The following CUEDC1 variants were observed in gnomAD, a reference collection of about 807,000 sequenced individuals.
CUEDC1 encodes the protein CUE domain-containing protein 1.
In CUEDC1, 30 loss-of-function variants were observed where a neutral mutation model predicts 43.7. The ratio of observed to expected loss-of-function variants is 0.69; its 90% CI spans 0.51 to 0.93. CUEDC1 has a LOEUF of 0.93. CUEDC1 is among the 40% of genes least tolerant of loss of function. CUEDC1 has a pLI of 0.00. For missense variants in CUEDC1, 486 were observed against 549.0 expected (o/e 0.89, Z 1.15); for synonymous variants, 223 against 223.6 (o/e 1.00, Z 0.02).
At chr17:57,864,014 A>G (rs2586045) in intron 10 of CUEDC1, among the ~76,000 whole-genome samples, 7,390 of 151,182 alleles carry the variant, frequency 0.049, 237 homozygotes, top group Middle Eastern at 0.11. Flanking sequence ...AAAAAAAAAA[A>G]AAAGAAAGAA....
chr17:57,948,032 CT>C lies in CUEDC1; in HGVS notation c.-316+7192del, dbSNP rs566175535. ...AGGCAGTATTATGAAAAAAAGCCTA[CT>C]GTCAGCTTAAGCAAAACAGAATAAG... On this transcript the variant is annotated intron_variant, in intron 1 of 10. Coordinates refer to ENST00000577830, the MANE Select transcript of CUEDC1 (RefSeq NM_001271875.2). Among the ~76,000 whole-genome samples, 67 of 152,268 alleles carry C rather than the reference CT, an allele frequency of 4.4e-4. 1 individual carries two copies. Among genetic ancestry groups the C allele is most frequent in the African/African-American group, 1.6e-3 (66 of 41,558 alleles).
chr17:57,873,292 G>A (rs996269597), intron 4 of CUEDC1, among the ~76,000 whole-genome samples: 2 of 152,138 alleles, frequency 1.3e-5, no homozygotes, highest in African/African-American at 4.8e-5. Flanking sequence ...AGGAAGGGGG[G>A]TGCTCTGGCC....
intron 10 of CUEDC1, among the ~76,000 whole-genome samples, chr17:57,864,825 G>A (rs1030650505): frequency 2.0e-5 from 3 of 152,150 alleles, no homozygotes; most frequent in Admixed American, 6.5e-5. Flanking sequence ...AGGTCCAGGC[G>A]GGCAGGTCAC....
intron 1 of CUEDC1, among the ~76,000 whole-genome samples, chr17:57,913,155 G>A (rs528678711): frequency 1.3e-4 from 20 of 151,926 alleles, no homozygotes; most frequent in Non-Finnish European, 2.4e-4. Context: ...GTAAAACCCC[G>A]CCTCTACTAA....
At chr17:57,898,165 T>A (rs1454370354) in intron 1 of CUEDC1, among the ~76,000 whole-genome samples, 3 of 152,184 alleles carry the variant, frequency 2.0e-5, no homozygotes, top group Non-Finnish European at 2.9e-5. Context: ...CTGCACCCCA[T>A]GGTGCACCCT....
At chr17:57,911,824 C>T (rs968044620) in intron 1 of CUEDC1, among the ~76,000 whole-genome samples, 1 of 152,132 alleles carries the variant, frequency 6.6e-6, no homozygotes, top group African/African-American at 2.4e-5. Context: ...CTCTTAAGGG[C>T]AGACTGGGAC....
At chr17:57,935,390 CACACACACACACACAA>C (rs999276979) in intron 1 of CUEDC1, among the ~76,000 whole-genome samples, 8 of 144,344 alleles carry the variant, frequency 5.5e-5, no homozygotes, top group Admixed American at 2.7e-4. Context: ...CACACACACA[CACACACACACACACAA>C]ACACACACAC....
chr17:57,955,189 G>C lies in CUEDC1; in HGVS notation c.-316+36C>G, dbSNP rs1023788996. 6.9e-6 allele frequency: 1 copy of C among 145,474 alleles called. No individual in the cohort carries two copies. Among genetic ancestry groups the C allele is most frequent in the African/African-American group, 2.5e-5 (1 of 40,580 alleles). The allele number at this position is 145,474 out of a possible 1,614,324, so 9.0% of individuals were successfully genotyped here. A position where few individuals can be genotyped will look rare whatever the true frequency, so the allele number is the denominator to read the frequency against. On this transcript the variant is annotated intron_variant, in intron 1 of 10. Coordinates refer to ENST00000577830, the MANE Select transcript of CUEDC1 (RefSeq NM_001271875.2). The surrounding 1 kb of genome is among the most constrained non-coding windows in gnomAD (Gnocchi z 5.3). ...GGGCGCCGGCGAGGACCGCGCCCGG[G>C]GCCGGGCGGGAGCCGCGGGAGCGCG... is the stretch of plus-strand genomic sequence containing the variant.
chr17:57,950,651 T>C (rs891942584), intron 1 of CUEDC1, among the ~76,000 whole-genome samples: 1 of 152,058 alleles, frequency 6.6e-6, no homozygotes, highest in Non-Finnish European at 1.5e-5. Context: ...TTTTGTATTT[T>C]TAGTAGAGAC....
chr17:57,932,842 A>G (rs1463635986), intron 1 of CUEDC1, among the ~76,000 whole-genome samples: 1 of 152,026 alleles, frequency 6.6e-6, no homozygotes, highest in Non-Finnish European at 1.5e-5. Flanking sequence ...GGCCTGGGCA[A>G]CAAGAGCAAA....
chr17:57,918,789 A>G (rs1463007059), intron 1 of CUEDC1, among the ~76,000 whole-genome samples: 3 of 152,218 alleles, frequency 2.0e-5, no homozygotes, highest in African/African-American at 7.2e-5. Context: ...TAGATGGCAT[A>G]CAATAGGCCT....
intron 1 of CUEDC1, among the ~76,000 whole-genome samples, chr17:57,939,579 C>T (rs1004155718): frequency 6.6e-6 from 1 of 152,146 alleles, no homozygotes. Context: ...TTCGCCTGAC[C>T]TGAACAGCTT....
At chr17:57,949,329 C>T (rs1164498306) in intron 1 of CUEDC1, among the ~76,000 whole-genome samples, 1 of 152,176 alleles carries the variant, frequency 6.6e-6, no homozygotes, top group Admixed American at 6.5e-5. Context: ...ATCTTGAAGG[C>T]AGGGGCCATG....
Position 57,872,790 on chromosome 17 carries a change from C to T in CUEDC1, c.657G>A (p.Gly219=), listed in dbSNP as rs1362529981. The T allele has an allele frequency of 1.2e-6, 2 of 1,614,222 alleles. No homozygotes were observed. The highest frequency in any genetic ancestry group is 1.7e-5 in the Admixed American group (1 of 60,026). ...EGCPPAMAGP[G]PGDQESRWKQ... is the part of the protein sequence containing the mutation. ...TCCAGCGGCTCTCCTGGTCTCCGGG[C>T]CCTGGCCCAGCCATGGCAGGTGGAC... Residue 219 remains glycine, a synonymous_variant, in exon 5 of 11, where the codon GGG becomes GGA. Transcript: ENST00000577830.
chr17:57,942,625 G>A (rs989009735), intron 1 of CUEDC1, among the ~76,000 whole-genome samples: 2 of 151,968 alleles, frequency 1.3e-5, no homozygotes, highest in South Asian at 4.1e-4. Context: ...CTGACCTCAG[G>A]TGATCCACCC....
chr17:57,913,359 C>T (rs1348934160), intron 1 of CUEDC1, among the ~76,000 whole-genome samples: 1 of 151,842 alleles, frequency 6.6e-6, no homozygotes, highest in East Asian at 1.9e-4. Flanking sequence ...AAACTGGTCT[C>T]ACTATGTTGC....
intron 2 of CUEDC1, among the ~76,000 whole-genome samples, chr17:57,880,213 T>G (rs770244882): frequency 7.2e-5 from 11 of 152,238 alleles, no homozygotes; most frequent in Non-Finnish European, 1.3e-4. Context: ...CATGTGCTCC[T>G]GTACCCATGC....
intron 1 of CUEDC1, among the ~76,000 whole-genome samples, chr17:57,918,422 G>C (rs2074665468): frequency 6.6e-6 from 1 of 152,166 alleles, no homozygotes; most frequent in Non-Finnish European, 1.5e-5. Flanking sequence ...CCCGCCCTGG[G>C]TTATAAAAGC....
intron 1 of CUEDC1, among the ~76,000 whole-genome samples, chr17:57,911,036 G>A (rs1567714558): frequency 1.3e-5 from 2 of 152,150 alleles, no homozygotes; most frequent in East Asian, 1.9e-4. Context: ...GGTCCCCTCC[G>A]AACTCCTCAG....
Sources: gnomAD v4.1 joint callset for allele counts (sites outside exome capture counted in the v4.1 genomes callset) on GRCh38, gnomAD v4.1.1 for gene constraint, Gnocchi (gnomAD v3.1) non-coding constraint, MANE v1.5 for transcripts, NCBI Gene and HGNC (gene_info 2026-07-23, HGNC 2026-07-21) for gene names.